Variants in FER1L6 observed in about 807,000 individuals in gnomAD.
The protein encoded by FER1L6 is fer-1-like protein 6.
A neutral mutation model predicts 219.2 loss-of-function variants in FER1L6; 177 were observed. The ratio of observed to expected loss-of-function variants is 0.81; its 90% CI spans 0.71 to 0.91. FER1L6 has a LOEUF of 0.91. FER1L6 is among the 40% of genes least tolerant of loss of function. The probability of loss-of-function intolerance (pLI) is 0.00; values close to 1 mark genes in which losing one functional copy is unlikely to be tolerated. For missense variants in FER1L6, 2,153 were observed against 2,259.9 expected, an observed-to-expected ratio of 0.95 and a Z score of 0.96; for synonymous variants, 768 against 824.3, an observed-to-expected ratio of 0.93 and a Z score of 1.17.
rs1554608009 is a variant in FER1L6 at position 123,856,316 on chromosome 8, G to GTATATATATATATATATA, written c.-8+4147_-8+4164dup. Among the ~76,000 whole-genome samples, 91 of 45,088 alleles carry GTATATATATATATATATA rather than the reference G, an allele frequency of 2.0e-3. 6 individuals carry two copies. Among genetic ancestry groups the GTATATATATATATATATA allele is most frequent in the African/African-American group, 6.9e-3 (79 of 11,510 alleles). The allele number at this position is 45,088 out of a possible 152,430, so 29.6% of individuals were successfully genotyped here. On this transcript the variant is annotated intron_variant, in intron 1 of 40. Transcript: ENST00000522917. ...TGTATATATATATATATATGTATGT[G>GTATATATATATATATATA]TATATATATATATATATATATATAT...
intron 39 of FER1L6, among the ~76,000 whole-genome samples, chr8:124,103,765 T>C (rs888936376): frequency 1.3e-5 from 2 of 152,220 alleles, no homozygotes; most frequent in African/African-American, 4.8e-5. Context: ...CTTGGAGGAA[T>C]TTTTGACCTT....
chr8:123,888,216 A>C (rs1392508178), intron 1 of FER1L6, among the ~76,000 whole-genome samples: 1 of 151,926 alleles, frequency 6.6e-6, no homozygotes, highest in Non-Finnish European at 1.5e-5. Context: ...TCCTGGGTTC[A>C]AGAAATTCTC....
At chr8:124,004,138 A>C (rs1173869666) in intron 13 of FER1L6, 1 of 146,176 alleles carries the variant, frequency 6.8e-6, no homozygotes, top group East Asian at 2.1e-4. Context: ...AAAAAAAAAC[A>C]ATTGTCAGGC....
intron 1 of FER1L6, among the ~76,000 whole-genome samples, chr8:123,911,351 A>G (rs1813044135): frequency 6.6e-6 from 1 of 152,212 alleles, no homozygotes; most frequent in African/African-American, 2.4e-5. Context: ...TAATAATAAT[A>G]GTGACAATGG....
In FER1L6 at chr8:124,070,549, C is replaced by CG. The variant is rs1563780538; in HGVS notation, c.3919dup (p.Glu1307GlyfsTer3). Reference sequence around the variant, plus strand: ...TTTGAGCTCTTCAGAGGCAAGTCTACGGAAGATGACCATGGTCTTGATGGA... The same window carrying CG: ...TTTGAGCTCTTCAGAGGCAAGTCTACGGGAAGATGACCATGGTCTTGATGGA... On this transcript the variant is annotated frameshift_variant, in exon 30 of 41. Transcript: ENST00000522917. LOFTEE classifies it high-confidence loss of function. The CG allele has an allele frequency of 6.2e-7, 1 of 1,610,086 alleles. No individual in the cohort carries two copies. The highest frequency in any genetic ancestry group is 1.7e-5 in the Admixed American group (1 of 59,170).
At chr8:124,108,390 C>T (rs776965917) in intron 39 of FER1L6, among the ~76,000 whole-genome samples, 1 of 152,128 alleles carries the variant, frequency 6.6e-6, no homozygotes, top group Non-Finnish European at 1.5e-5. Context: ...TAGTATGTTC[C>T]AGGCACACAG....
intron 35 of FER1L6, among the ~76,000 whole-genome samples, chr8:124,096,661 T>A (rs2130965639): frequency 6.6e-6 from 1 of 152,328 alleles, no homozygotes; most frequent in South Asian, 2.1e-4. Context: ...GCCACAGAAC[T>A]TCAGATACAC....
intron 1 of FER1L6, among the ~76,000 whole-genome samples, chr8:123,865,638 G>A (rs1262210057): frequency 4.0e-5 from 6 of 151,192 alleles, no homozygotes; most frequent in Admixed American, 6.6e-5. Flanking sequence ...GCGAGATTCC[G>A]TGGGCGTAGG....
At chr8:124,090,462 T>C (rs4330676) in intron 33 of FER1L6, among the ~76,000 whole-genome samples, 126,745 of 152,212 alleles carry the variant, frequency 0.83, 52,893 homozygotes, top group Non-Finnish European at 0.86. Context: ...GGACTTGCAA[T>C]CTTTATTCAC....
At chr8:124,068,821 G>A (rs1015121574) in intron 28 of FER1L6, among the ~76,000 whole-genome samples, 5 of 152,136 alleles carry the variant, frequency 3.3e-5, no homozygotes, top group Non-Finnish European at 7.4e-5. Flanking sequence ...ACTGACGCTG[G>A]ATTTATATGT....
intron 1 of FER1L6, among the ~76,000 whole-genome samples, chr8:123,954,808 T>A (rs1814939642): frequency 6.6e-6 from 1 of 152,192 alleles, no homozygotes; most frequent in African/African-American, 2.4e-5. Flanking sequence ...CTGTGATTGT[T>A]CCGCTGCTTT....
intron 17 of FER1L6, among the ~76,000 whole-genome samples, chr8:124,022,881 C>G (rs529181259): frequency 6.6e-6 from 1 of 150,712 alleles, no homozygotes; most frequent in African/African-American, 2.4e-5. Context: ...CTCATATGAG[C>G]AATTTGGCAT....
At chr8:124,107,544 C>T (rs532145774) in intron 39 of FER1L6, among the ~76,000 whole-genome samples, 14 of 152,280 alleles carry the variant, frequency 9.2e-5, no homozygotes, top group Admixed American at 1.3e-4. Flanking sequence ...ATGATCTGAG[C>T]CCCACCTGCT....
intron 18 of FER1L6, among the ~76,000 whole-genome samples, chr8:124,024,969 C>A (rs1818640958): frequency 1.3e-5 from 2 of 152,024 alleles, no homozygotes; most frequent in African/African-American, 4.8e-5. Context: ...TGATGCTGAG[C>A]ATTTTTTTCA....
chr8:124,087,180 C>A (rs1821820562), intron 33 of FER1L6, among the ~76,000 whole-genome samples: 1 of 152,162 alleles, frequency 6.6e-6, no homozygotes, highest in African/African-American at 2.4e-5. Context: ...ATCTCTCTCT[C>A]TCTCTCTACC....
At position 124,064,368 on chromosome 8, in the gene FER1L6, C is replaced by G; in HGVS notation, c.3350C>G (p.Ala1117Gly). The change falls in exon 26 of 41, where the codon GCC (alanine) becomes GGC (glycine). Residue 1117 changes from alanine to glycine, a missense_variant. Coordinates refer to ENST00000522917, the MANE Select transcript of FER1L6 (RefSeq NM_001039112.2). ...TCAGATATTTCAGATTCGCTAACAG[C>G]CACTGAGTCCTCTGGAGCCCACAGC... The part of the protein sequence containing the change: ...PGHDISDSLT[A>G]TESSGAHSSS... The G allele has an allele frequency of 1.2e-6, 2 of 1,612,704 alleles. No homozygotes were observed. The highest frequency in any genetic ancestry group is 2.2e-5 in the South Asian group (2 of 90,726).
chr8:123,999,588 G>A (rs900019936), intron 12 of FER1L6, among the ~76,000 whole-genome samples: 4 of 152,262 alleles, frequency 2.6e-5, no homozygotes, highest in East Asian at 3.9e-4. Context: ...GCCTGAACCC[G>A]GGAGGCAGAG....
intron 1 of FER1L6, among the ~76,000 whole-genome samples, chr8:123,917,910 AT>A (rs1358130042): frequency 6.6e-6 from 1 of 152,222 alleles, no homozygotes; most frequent in African/African-American, 2.4e-5. Flanking sequence ...TTCTTTTGTC[AT>A]AGCATTCTAG....
At chr8:123,984,351 A>G (rs1816462026) in intron 11 of FER1L6, 1 of 152,132 alleles carries the variant, frequency 6.6e-6, no homozygotes, top group African/African-American at 2.4e-5. Flanking sequence ...TGGATCCTGA[A>G]ATTCTTCTCT....
Sources: allele counts gnomAD v4.1 joint callset (sites outside exome capture counted in the v4.1 genomes callset), GRCh38; gene constraint gnomAD v4.1.1; transcripts MANE v1.5; gene names NCBI Gene and HGNC (gene_info 2026-07-23, HGNC 2026-07-21).